FLT3: variants seen among roughly 807,000 people sequenced by gnomAD.
The protein encoded by FLT3 is fms related receptor tyrosine kinase 3.
A neutral mutation model predicts 126.6 loss-of-function variants in FLT3; 46 were observed. The observed-to-expected ratio is 0.36, with a 90% confidence interval of 0.29 to 0.46. FLT3 has a LOEUF of 0.46. Among genes scored for constraint, FLT3 ranks in the 20% least tolerant of loss-of-function variants. The pLI is 1.00. For missense variants in FLT3, 1,069 were observed against 1,190.3 expected, an observed-to-expected ratio of 0.90 and a Z score of 1.50; for synonymous variants, 404 against 434.4, an observed-to-expected ratio of 0.93 and a Z score of 0.87.
rs553146018 is a variant in FLT3 at position 28,070,542 on chromosome 13, G to C, written c.114C>G (p.Ile38Met). ...CTGATGAATCATTGTTCTTATGATT[G>C]ATTAAAACACACTTGATCACAGGCA... ...QDLPVIKCVL[I>M]NHKNNDSSVG... The change falls in exon 2 of 24, where the codon ATC (isoleucine) becomes ATG (methionine). Residue 38 changes from isoleucine to methionine, a missense_variant. By Grantham distance (10) the Ile-to-Met change is conservative. Transcript: ENST00000241453. 1.2e-6 allele frequency: 2 copies of C among 1,602,252 alleles called. No individual in the cohort carries two copies. The highest frequency in any genetic ancestry group is 2.2e-5 in the South Asian group (2 of 90,798).
rs189041478 is a variant in FLT3 at position 28,080,205 on chromosome 13, G to A, written c.44-9593C>T. ...AGCCTGGCCAAAATGGTGAAACCCC[G>A]TCTCTACTAAAAATACAAAAATTAG... On this transcript the variant is annotated intron_variant, in intron 1 of 23. Coordinates refer to ENST00000241453, the MANE Select transcript of FLT3 (RefSeq NM_004119.3). Among the ~76,000 whole-genome samples, 54 of 152,254 alleles carry A rather than the reference G, an allele frequency of 3.5e-4. No individual in the cohort carries two copies. In the East Asian group the frequency reaches 6.2e-3, roughly 17 times the overall value.
intron 1 of FLT3, among the ~76,000 whole-genome samples, chr13:28,096,138 T>C (rs946417788): frequency 2.0e-5 from 3 of 152,094 alleles, no homozygotes; most frequent in African/African-American, 7.2e-5. Context: ...GAGGATTGCT[T>C]GAGCTCAGGA....
At chr13:28,037,958 CT>C (rs1873997850) in intron 9 of FLT3, among the ~76,000 whole-genome samples, 2 of 152,328 alleles carry the variant, frequency 1.3e-5, no homozygotes, top group South Asian at 4.1e-4. Flanking sequence ...AACCATCCCC[CT>C]ACCCCCAATC....
rs1156720597 is a variant in FLT3 at position 28,011,333 on chromosome 13, AGAGGGGAGGG to A, written c.2859+3109_2859+3118del. On this transcript the variant is annotated intron_variant, in intron 23 of 23. Coordinates refer to ENST00000241453, the MANE Select transcript of FLT3 (RefSeq NM_004119.3). The stretch of plus-strand genomic sequence containing the variant: ...TCAAAAAAAAAGAAAAGAGGAGAGG[AGAGGGGAGGG>A]GAGGGGAGGGGAGGGGAGGAGAGAA... Among the ~76,000 whole-genome samples the A allele has an allele frequency of 2.1e-4, 18 of 84,820 alleles. No homozygotes were observed. The South Asian group carries it at 6.1e-3, about 29-fold the overall frequency. 55.6% of individuals were successfully genotyped at this position (84,820 alleles called of 152,430 possible). A position where few individuals can be genotyped will look rare whatever the true frequency, so the allele number is the denominator to read the frequency against.
intron 9 of FLT3, among the ~76,000 whole-genome samples, chr13:28,044,572 G>C (rs1383363403): frequency 6.6e-6 from 1 of 152,158 alleles, no homozygotes; most frequent in Non-Finnish European, 1.5e-5. Context: ...AGAGCACTCA[G>C]AGGCGTGTTC....
Position 28,014,447 on chromosome 13 carries a change from C to T in FLT3, c.2859+5G>A, listed in dbSNP as rs1165570284. 2 of 1,600,328 alleles carry T rather than the reference C, an allele frequency of 1.2e-6. No individual in the cohort carries two copies. The highest frequency in any genetic ancestry group is 1.7e-6 in the Non-Finnish European group (2 of 1,167,662). ...AAGCTTTATAAAGTCCTGGCTGCTA[C>T]ATACCGCTTCTTCTGCATCTGCCAG... On this transcript the variant is annotated splice_donor_5th_base_variant and intron_variant, in intron 23 of 23. Coordinates refer to ENST00000241453, the MANE Select transcript of FLT3 (RefSeq NM_004119.3).
intron 23 of FLT3, among the ~76,000 whole-genome samples, chr13:28,007,504 C>G (rs1219855575): frequency 6.6e-6 from 1 of 152,198 alleles, no homozygotes; most frequent in Non-Finnish European, 1.5e-5. Context: ...ACCTTGGCCT[C>G]TCAATGTGCT....
chr13:28,057,608 T>C (rs1876124740), intron 3 of FLT3, 146 bp from the exon 4 acceptor site: 2 of 614,662 alleles, frequency 3.3e-6, no homozygotes, highest in Non-Finnish European at 2.9e-6. Context: ...GCTTCTGTCA[T>C]GTGCCCAGCA....
At chr13:28,093,886 G>A (rs867095201) in intron 1 of FLT3, among the ~76,000 whole-genome samples, 2 of 151,916 alleles carry the variant, frequency 1.3e-5, no homozygotes, top group South Asian at 2.1e-4. Context: ...CATAGACGGC[G>A]CTCAAAAACA....
intron 1 of FLT3, among the ~76,000 whole-genome samples, chr13:28,077,023 AAAAG>A (rs1877979574): frequency 1.7e-4 from 1 of 6,058 alleles, no homozygotes; most frequent in Non-Finnish European, 4.8e-4. Flanking sequence ...GGAAGGAAGG[AAAAG>A]AAAGAGAGAG....
At chr13:28,006,306 T>TTGTG (rs4002773) in intron 23 of FLT3, among the ~76,000 whole-genome samples, 2,949 of 147,052 alleles carry the variant, frequency 0.02, 44 homozygotes, top group Admixed American at 0.029. Flanking sequence ...TTCTAGAAAA[T>TTGTG]TGTGTGTGTG....
intron 11 of FLT3, 71 bp from the exon 12 acceptor site, chr13:28,035,744 C>A (rs775482125): frequency 2.7e-6 from 4 of 1,484,332 alleles, no homozygotes; most frequent in African/African-American, 1.4e-5. Flanking sequence ...ATTTCTGCAG[C>A]GAGTTCTAAA....
chr13:28,016,837 G>A (rs180809453), intron 20 of FLT3, among the ~76,000 whole-genome samples: 66 of 152,252 alleles, frequency 4.3e-4, no homozygotes, highest in African/African-American at 1.5e-3. Flanking sequence ...GGAGTAGATC[G>A]TAAATCAGCT....
At chr13:28,022,907 C>T (rs2137638246) in intron 19 of FLT3, among the ~76,000 whole-genome samples, 1 of 152,334 alleles carries the variant, frequency 6.6e-6, no homozygotes, top group South Asian at 2.1e-4. Flanking sequence ...GGACTGCTGC[C>T]AGCCCACAGC....
Position 28,058,127 on chromosome 13 carries a change from G to A in FLT3, c.369-665C>T, listed in dbSNP as rs961967005. Among the ~76,000 whole-genome samples the A allele has an allele frequency of 6.0e-5, 9 of 151,216 alleles. 1 individual carries two copies. Among genetic ancestry groups the A allele is most frequent in the Non-Finnish European group, 1.5e-5 (1 of 67,902 alleles). On this transcript the variant is annotated intron_variant, in intron 3 of 23. Coordinates refer to ENST00000241453, the MANE Select transcript of FLT3 (RefSeq NM_004119.3). ...TAATCCCAGAACTTTGGGAGGCCAAGGCTGGCAGATCACTTGAGCCCAGGA... is the reference window on the plus strand; with the variant it reads ...TAATCCCAGAACTTTGGGAGGCCAAAGCTGGCAGATCACTTGAGCCCAGGA...
intron 2 of FLT3, among the ~76,000 whole-genome samples, chr13:28,064,314 C>T (rs1434813955): frequency 6.6e-6 from 1 of 151,384 alleles, no homozygotes; most frequent in Non-Finnish European, 1.5e-5. Context: ...ATGGCTCACT[C>T]CTGAAATCCC....
Position 28,049,411 on chromosome 13 carries a change from T to G in FLT3, c.1009A>C (p.Ser337Arg). 3 of 1,613,886 alleles carry G rather than the reference T, an allele frequency of 1.9e-6. No homozygotes were observed. The highest frequency in any genetic ancestry group is 2.5e-6 in the Non-Finnish European group (3 of 1,179,934). ...YYTCSSSKHPSQSALVTIVEK... is the reference protein window; with the variant it reads ...YYTCSSSKHPRQSALVTIVEK... ...ACGATGGTAACCAAAGCTGATTGAC[T>G]GGGATGCTTTGAAGAGGAACAAGTG... Residue 337 changes from serine to arginine, a missense_variant, in exon 8 of 24, where the codon AGT (serine) becomes CGT (arginine). Coordinates refer to ENST00000241453, the MANE Select transcript of FLT3 (RefSeq NM_004119.3).
At chr13:28,087,178 T>G (rs1878729954) in intron 1 of FLT3, among the ~76,000 whole-genome samples, 3 of 152,186 alleles carry the variant, frequency 2.0e-5, no homozygotes, top group Non-Finnish European at 4.4e-5. Flanking sequence ...CTAGCAATCC[T>G]CCTACCTCAG....
chr13:28,043,704 C>T (rs1402701271), intron 9 of FLT3, among the ~76,000 whole-genome samples: 13 of 152,282 alleles, frequency 8.5e-5, no homozygotes, highest in Middle Eastern at 3.4e-3. Context: ...AAAGGAAAGA[C>T]GGGTGCAGTG....
Sources: allele counts gnomAD v4.1 joint callset (sites outside exome capture counted in the v4.1 genomes callset), GRCh38; gene constraint gnomAD v4.1.1; transcripts MANE v1.5; gene names NCBI Gene and HGNC (gene_info 2026-07-23, HGNC 2026-07-21).